Variants in TMEM51 observed in about 807,000 individuals in gnomAD.
TMEM51 encodes the protein transmembrane protein 51.
A neutral mutation model predicts 13.6 loss-of-function variants in TMEM51; 8 were observed. The ratio of observed to expected loss-of-function variants is 0.59; its 90% CI spans 0.35 to 1.07. The LOEUF (loss-of-function observed/expected upper bound fraction) is 1.07, where lower values mean the gene tolerates loss of function less well. Ranked by LOEUF, TMEM51 falls within the 50% of genes least tolerant of loss-of-function variation. The probability of loss-of-function intolerance (pLI) is 0.02; values close to 1 mark genes in which losing one functional copy is unlikely to be tolerated. For synonymous variants in TMEM51, 147 were observed against 144.4 expected, an observed-to-expected ratio of 1.02 and a Z score of -0.13; for missense variants, 279 against 330.7, an observed-to-expected ratio of 0.84 and a Z score of 1.21.
At chr1:15,189,487 C>T (rs1330934904) in intron 1 of TMEM51, among the ~76,000 whole-genome samples, 1 of 152,160 alleles carries the variant, frequency 6.6e-6, no homozygotes, top group African/African-American at 2.4e-5. Context: ...TTTGGAGTTA[C>T]AATTCCTTAG....
chr1:15,181,065 T>A (rs1393361713), intron 1 of TMEM51, among the ~76,000 whole-genome samples: 1 of 152,310 alleles, frequency 6.6e-6, no homozygotes, highest in African/African-American at 2.4e-5. Context: ...TGTGCACTGG[T>A]TCCAAGAGTG....
chr1:15,177,444 C>T (rs190324968), intron 1 of TMEM51, among the ~76,000 whole-genome samples: 157 of 152,014 alleles, frequency 1.0e-3, no homozygotes, highest in Non-Finnish European at 1.9e-3. Flanking sequence ...AACCAGGGGC[C>T]GGGGAGGATG....
intron 1 of TMEM51, among the ~76,000 whole-genome samples, chr1:15,187,178 C>A (rs953652913): frequency 6.6e-6 from 1 of 151,832 alleles, no homozygotes; most frequent in Non-Finnish European, 1.5e-5. Flanking sequence ...AACACAGCAC[C>A]CCCATCCCCC....
intron 3 of TMEM51, 124 bp from the exon 4 acceptor site, chr1:15,219,202 C>T (rs1415271350): frequency 2.0e-6 from 2 of 986,364 alleles, no homozygotes; most frequent in African/African-American, 1.6e-5. Flanking sequence ...ACTTTTATTG[C>T]CTCTAAGACC....
chr1:15,201,737 G>A (rs1340098113), intron 1 of TMEM51, among the ~76,000 whole-genome samples: 1 of 152,174 alleles, frequency 6.6e-6, no homozygotes, highest in Non-Finnish European at 1.5e-5. Flanking sequence ...TACCAAAAGA[G>A]CTCTTGGCAG....
intron 1 of TMEM51, among the ~76,000 whole-genome samples, chr1:15,201,445 TA>T (rs1458368683): frequency 6.6e-6 from 1 of 151,514 alleles, no homozygotes; most frequent in Non-Finnish European, 1.5e-5. Flanking sequence ...AAATTAATAG[TA>T]ATAATAAGTA....
chr1:15,202,980 G>A (rs1362483573), intron 1 of TMEM51, among the ~76,000 whole-genome samples: 2 of 152,114 alleles, frequency 1.3e-5, no homozygotes, highest in East Asian at 1.9e-4. Context: ...ACGCCCACCT[G>A]CCTCCATAGG....
At chr1:15,183,356 A>G (rs10737907) in intron 1 of TMEM51, among the ~76,000 whole-genome samples, 142,355 of 152,296 alleles carry the variant, frequency 0.93, 66,588 homozygotes, top group East Asian at 0.99. Context: ...CAGAGGTAAA[A>G]GGTACAGTGA....
intron 1 of TMEM51, among the ~76,000 whole-genome samples, chr1:15,173,609 C>A (rs1643366700): frequency 6.6e-6 from 1 of 151,900 alleles, no homozygotes; most frequent in Non-Finnish European, 1.5e-5. Flanking sequence ...AGTTCATATT[C>A]CAGGCATTGT....
intron 1 of TMEM51, among the ~76,000 whole-genome samples, chr1:15,172,662 T>G (rs896649016): frequency 6.6e-6 from 1 of 152,210 alleles, no homozygotes; most frequent in East Asian, 1.9e-4. Context: ...AGTTCCTCCT[T>G]TTCTATCATT....
chr1:15,216,132 G>A (rs756893823), intron 3 of TMEM51, among the ~76,000 whole-genome samples: 1 of 152,178 alleles, frequency 6.6e-6, no homozygotes, highest in African/African-American at 2.4e-5. Flanking sequence ...CCCGCCCAGG[G>A]TCACTGAACA....
chr1:15,215,632 A>G (rs956158440), intron 3 of TMEM51, among the ~76,000 whole-genome samples: 2 of 152,270 alleles, frequency 1.3e-5, no homozygotes, highest in Non-Finnish European at 2.9e-5. Context: ...CCCAAATAGC[A>G]TGGTACAAAT....
chr1:15,189,640 C>T (rs533125421), intron 1 of TMEM51, among the ~76,000 whole-genome samples: 1 of 152,324 alleles, frequency 6.6e-6, no homozygotes, highest in African/African-American at 2.4e-5. Flanking sequence ...TGAATCTGCA[C>T]AGTGCTGGTT....
chr1:15,171,102 TCCA>T, intron 1 of TMEM51: 1 of 692,844 alleles, frequency 1.4e-6, no homozygotes, highest in Non-Finnish European at 2.2e-6. Context: ...TCCCTCCTCC[TCCA>T]CCCCCCGCCA....
rs1324052371 is a variant in TMEM51 at position 15,161,358 on chromosome 1, T to C, written c.-267+7404T>C. ...CCCATCTCTACTAAAAATAGAAAAA[T>C]TACCCGGTATGGTGGCAGGTGCCTG... is the stretch of plus-strand genomic sequence containing the variant. On this transcript the variant is annotated intron_variant, in intron 1 of 3. Coordinates refer to ENST00000376008, the MANE Select transcript of TMEM51 (RefSeq NM_001136218.2). The surrounding 1 kb of genome is among the most constrained non-coding windows in gnomAD (Gnocchi z 4.0). 6.6e-6 allele frequency among the ~76,000 whole-genome samples: 1 copy of C among 151,166 alleles called. No homozygotes were observed. The highest frequency in any genetic ancestry group is 1.5e-5 in the Non-Finnish European group (1 of 67,910).
At chr1:15,175,439 G>A (rs1309529782) in intron 1 of TMEM51, among the ~76,000 whole-genome samples, 2 of 152,050 alleles carry the variant, frequency 1.3e-5, no homozygotes, top group Non-Finnish European at 1.5e-5. Flanking sequence ...ATAAACTAGG[G>A]CTGTAAGCTC....
chr1:15,182,139 C>T (rs751247523), intron 1 of TMEM51, among the ~76,000 whole-genome samples: 12 of 150,612 alleles, frequency 8.0e-5, no homozygotes, highest in Non-Finnish European at 1.5e-4. Flanking sequence ...CCAACCTGGG[C>T]AACAAAAGCA....
chr1:15,171,921 C>T lies in TMEM51; in HGVS notation c.-267+17967C>T, dbSNP rs1268686040. On this transcript the variant is annotated intron_variant, in intron 1 of 3. Transcript: ENST00000376008. The stretch of plus-strand genomic sequence containing the variant: ...TGGTCCATCCCAACAACCCCTTGCT[C>T]AGATCATCAGCTGAGAACTTAATAA... 2.0e-5 allele frequency among the ~76,000 whole-genome samples: 3 copies of T among 152,176 alleles called. No homozygotes were observed. The East Asian group carries it at 5.8e-4, about 29-fold the overall frequency.
intron 1 of TMEM51, among the ~76,000 whole-genome samples, chr1:15,206,536 G>A (rs943760629): frequency 3.3e-5 from 5 of 152,092 alleles, no homozygotes; most frequent in Admixed American, 6.6e-5. Flanking sequence ...ATTATGAGTC[G>A]ACTGTGCCAC....
Sources: gnomAD v4.1 joint callset for allele counts (sites outside exome capture counted in the v4.1 genomes callset) on GRCh38, gnomAD v4.1.1 for gene constraint, Gnocchi (gnomAD v3.1) non-coding constraint, MANE v1.5 for transcripts, NCBI Gene and HGNC (gene_info 2026-07-23, HGNC 2026-07-21) for gene names.